The following NPM1 variants were observed in gnomAD, a reference collection of about 807,000 sequenced individuals.
The protein encoded by NPM1 is nucleophosmin.
Under a neutral mutation model 44.1 loss-of-function variants are expected in NPM1, and 1 was observed. That is an observed-to-expected ratio of 0.02 (90% CI 0.01 to 0.11). The LOEUF (loss-of-function observed/expected upper bound fraction) is 0.11. Among genes scored for constraint, NPM1 ranks in the 10% least tolerant of loss-of-function variants. NPM1 has a pLI of 1.00. For synonymous variants in NPM1, 126 were observed against 111.8 expected (o/e 1.13, Z -0.80); for missense variants, 197 against 347.8 (o/e 0.57, Z 3.45).
At position 171,410,801 on chromosome 5, in the gene NPM1, A is replaced by G. The variant is rs955395817; in HGVS notation, c.*236A>G. ...TATGTATGGAATGTTATGATAGGAC[A>G]TAGTAGTAGCGGTGGTCAGACATGG... On this transcript the variant is annotated 3_prime_UTR_variant, in exon 11 of 11. Coordinates refer to ENST00000296930, the MANE Select transcript of NPM1 (RefSeq NM_002520.7). 2 of 401,198 alleles carry G rather than the reference A, an allele frequency of 5.0e-6. No homozygotes were observed. The highest frequency in any genetic ancestry group is 8.8e-6 in the Non-Finnish European group (2 of 226,040). The allele number at this position is 401,198 out of a possible 1,614,324, so 24.9% of individuals were successfully genotyped here.
chr5:171,404,036 G>A (rs1461142820), intron 8 of NPM1, among the ~76,000 whole-genome samples: 3 of 66,918 alleles, frequency 4.5e-5, no homozygotes, highest in Non-Finnish European at 9.0e-5. Context: ...GGGCGGCCGG[G>A]CAGAGGCAAC....
rs563591533 is a variant in NPM1 at position 171,401,497 on chromosome 5, C to T, written c.669+572C>T. On this transcript the variant is annotated intron_variant, in intron 8 of 10. Coordinates refer to ENST00000296930, the MANE Select transcript of NPM1 (RefSeq NM_002520.7). ...TGTCACTCAGTCTGGGTTAGAGTTG[C>T]GTGATCTCGGCTTACTGCAACCTTC... Among the ~76,000 whole-genome samples, 3 of 152,170 alleles carry T rather than the reference C, an allele frequency of 2.0e-5. No homozygotes were observed. In the East Asian group the frequency reaches 5.8e-4, roughly 29 times the overall value.
intron 9 of NPM1, chr5:171,406,996 T>C (rs1317063068): frequency 1.3e-5 from 2 of 153,688 alleles, no homozygotes; most frequent in African/African-American, 4.8e-5. Flanking sequence ...AATAGTAATG[T>C]TTTGAAATTT....
intron 7 of NPM1, 124 bp downstream of exon 7, chr5:171,400,334 G>C: frequency 1.9e-6 from 1 of 522,118 alleles, no homozygotes; most frequent in Non-Finnish European, 2.6e-6. Context: ...CTGAAAATTA[G>C]TCCTGAGGAG....
intron 9 of NPM1, chr5:171,406,954 A>C (rs1406817113): frequency 1.3e-5 from 2 of 158,812 alleles, no homozygotes; most frequent in Non-Finnish European, 2.8e-5. Flanking sequence ...ATTCCAAAGT[A>C]GTGATAAATA....
chr5:171,404,568 T>C (rs1561874535), intron 8 of NPM1, among the ~76,000 whole-genome samples: 1 of 78,596 alleles, frequency 1.3e-5, no homozygotes, highest in Non-Finnish European at 2.5e-5. Context: ...CCTCACTTCC[T>C]AGATGTGATG....
At chr5:171,392,883 G>GA (rs1770655574) in intron 5 of NPM1, 31 bp from the exon 6 acceptor site, 3 of 1,611,468 alleles carry the variant, frequency 1.9e-6, no homozygotes. Context: ...AACAGCTCTT[G>GA]TTCATGAGTA....
At chr5:171,400,791 C>A in intron 7 of NPM1, 48 bp from the exon 8 acceptor site, 1 of 1,262,116 alleles carries the variant, frequency 7.9e-7, no homozygotes, top group Non-Finnish European at 1.2e-6. Context: ...TTTGTTTGCA[C>A]TGTTGTTGGG....
intron 8 of NPM1, among the ~76,000 whole-genome samples, chr5:171,404,114 A>G (rs1257121822): frequency 1.8e-5 from 1 of 55,480 alleles, no homozygotes; most frequent in Admixed American, 1.6e-4. Context: ...CCCGGACGGC[A>G]CGGCTGGCCA....
chr5:171,393,224 T>C (rs1192625204), intron 6 of NPM1, among the ~76,000 whole-genome samples: 1 of 152,214 alleles, frequency 6.6e-6, no homozygotes, highest in Non-Finnish European at 1.5e-5. Context: ...GGGTAGACTA[T>C]AGTGTTTGTG....
chr5:171,391,847 C>A (rs2113172553), intron 4 of NPM1, 48 bp downstream of exon 4: 1 of 1,187,282 alleles, frequency 8.4e-7, no homozygotes, highest in Non-Finnish European at 1.2e-6. Flanking sequence ...CTCTTTAGTG[C>A]AGTTGCTTGG....
At chr5:171,389,182 T>C (rs768525168) in intron 1 of NPM1, among the ~76,000 whole-genome samples, 7 of 152,012 alleles carry the variant, frequency 4.6e-5, no homozygotes, top group Non-Finnish European at 1.0e-4. Flanking sequence ...AAGCCTAATC[T>C]TTGTACTATT....
At chr5:171,390,912 G>A (rs1328754048) in intron 2 of NPM1, among the ~76,000 whole-genome samples, 1 of 149,264 alleles carries the variant, frequency 6.7e-6, no homozygotes, top group Non-Finnish European at 1.5e-5. Context: ...TAGTAGAGAC[G>A]AGGTTGTTAC....
At position 171,391,438 on chromosome 5, in the gene NPM1, C is replaced by A. The variant is rs181650617; in HGVS notation, c.258+14C>A. On this transcript the variant is annotated intron_variant, in intron 3 of 10. Coordinates refer to ENST00000296930, the MANE Select transcript of NPM1 (RefSeq NM_002520.7). ...GTACAGCCAACGGTAAGGGCACTTA[C>A]ATACTTTGGATGTTGTGTCAAGGTT... is the stretch of plus-strand genomic sequence containing the variant. The A allele has an allele frequency of 5.6e-6, 9 of 1,605,236 alleles. No homozygotes were observed. The highest frequency in any genetic ancestry group is 5.0e-5 in the Admixed American group (3 of 59,914).
chr5:171,407,562 G>A (rs894026949), intron 9 of NPM1, 138 bp from the exon 10 acceptor site: 12 of 659,300 alleles, frequency 1.8e-5, no homozygotes, highest in Non-Finnish European at 2.7e-5. Flanking sequence ...AAAAAGATAC[G>A]GAGTATTCTT....
intron 8 of NPM1, among the ~76,000 whole-genome samples, chr5:171,402,127 CAT>C (rs1403673574): frequency 4.8e-5 from 7 of 145,396 alleles, no homozygotes; most frequent in African/African-American, 1.0e-4. Flanking sequence ...TTCTACAACA[CAT>C]ATAATCTATT....
chr5:171,391,242 A>AG, intron 2 of NPM1, 63 bp from the exon 3 acceptor site: 1 of 1,575,138 alleles, frequency 6.3e-7, no homozygotes, highest in South Asian at 1.2e-5. Context: ...TATAACATTT[A>AG]GTGGGGGGGT....
At chr5:171,399,307 G>A (rs1443063673) in intron 6 of NPM1, among the ~76,000 whole-genome samples, 2 of 152,114 alleles carry the variant, frequency 1.3e-5, no homozygotes, top group Non-Finnish European at 2.9e-5. Context: ...AGGCTGGAGT[G>A]CAGTGGCAGA....
intron 6 of NPM1, among the ~76,000 whole-genome samples, chr5:171,399,376 G>C (rs964545603): frequency 2.0e-5 from 3 of 152,168 alleles, no homozygotes; most frequent in African/African-American, 7.2e-5. Flanking sequence ...TTTTCAAATA[G>C]CTAGGACTAC....
Sources: gnomAD v4.1 joint callset for allele counts (sites outside exome capture counted in the v4.1 genomes callset) on GRCh38, gnomAD v4.1.1 for gene constraint, MANE v1.5 for transcripts, NCBI Gene and HGNC (gene_info 2026-07-23, HGNC 2026-07-21) for gene names.